PTPRO: variants seen among roughly 807,000 people sequenced by gnomAD.
PTPRO encodes receptor-type tyrosine-protein phosphatase O.
A neutral mutation model predicts 145.2 loss-of-function variants in PTPRO; 62 were observed. The ratio of observed to expected loss-of-function variants is 0.43; its 90% CI spans 0.35 to 0.53. The LOEUF (loss-of-function observed/expected upper bound fraction) is 0.53, where lower values mean the gene tolerates loss of function less well. PTPRO is among the 20% of genes least tolerant of loss of function. The pLI is 0.01. For synonymous variants in PTPRO, 565 were observed against 514.7 expected, an observed-to-expected ratio of 1.10 and a Z score of -1.32; for missense variants, 1,345 against 1,482.7, an observed-to-expected ratio of 0.91 and a Z score of 1.53.
At chr12:15,510,865 A>G (rs1301903763) in intron 7 of PTPRO, among the ~76,000 whole-genome samples, 1 of 152,066 alleles carries the variant, frequency 6.6e-6, no homozygotes, top group African/African-American at 2.4e-5. Context: ...GTTCAACCCT[A>G]TTATTTAAGA....
intron 2 of PTPRO, among the ~76,000 whole-genome samples, chr12:15,496,789 T>C (rs1410406510): frequency 6.6e-6 from 1 of 152,214 alleles, no homozygotes; most frequent in African/African-American, 2.4e-5. Flanking sequence ...ATAACTATCA[T>C]TGGTCTGAGC....
intron 1 of PTPRO, among the ~76,000 whole-genome samples, chr12:15,449,203 G>A (rs967300863): frequency 2.0e-5 from 3 of 152,052 alleles, no homozygotes; most frequent in African/African-American, 7.2e-5. Context: ...CTTGGCATTT[G>A]CCTTATTTGA....
At chr12:15,581,283 C>T (rs1247554901) in intron 22 of PTPRO, among the ~76,000 whole-genome samples, 2 of 146,684 alleles carry the variant, frequency 1.4e-5, no homozygotes, top group Non-Finnish European at 3.0e-5. Flanking sequence ...CAATGTTATG[C>T]GTTCTGAGTG....
At chr12:15,376,104 C>G (rs1435924277) in intron 1 of PTPRO, among the ~76,000 whole-genome samples, 2 of 151,962 alleles carry the variant, frequency 1.3e-5, no homozygotes, top group Non-Finnish European at 2.9e-5. Context: ...AAAATCATAG[C>G]CATAAACTCC....
chr12:15,565,534 T>C, intron 17 of PTPRO, 59 bp from the exon 18 acceptor site: 1 of 1,148,550 alleles, frequency 8.7e-7, no homozygotes, highest in Non-Finnish European at 1.3e-6. Flanking sequence ...CAAGTTTAAT[T>C]ATTATGTTAA....
chr12:15,409,887 C>T (rs1467928827), intron 1 of PTPRO, among the ~76,000 whole-genome samples: 1 of 152,202 alleles, frequency 6.6e-6, no homozygotes, highest in Non-Finnish European at 1.5e-5. Flanking sequence ...CTATCTCCAG[C>T]ATTGGGGATT....
chr12:15,587,133 A>T (rs1835962870), intron 24 of PTPRO, 82 bp downstream of exon 24: 23 of 1,486,728 alleles, frequency 1.5e-5, no homozygotes, highest in Non-Finnish European at 2.1e-5. Flanking sequence ...ATAAGCCCTT[A>T]TCAGGTTTAG....
chr12:15,393,124 T>C (rs1302886948), intron 1 of PTPRO, among the ~76,000 whole-genome samples: 1 of 152,222 alleles, frequency 6.6e-6, no homozygotes, highest in Non-Finnish European at 1.5e-5. Flanking sequence ...AACTCCCTAT[T>C]GTTATCTTTG....
intron 12 of PTPRO, among the ~76,000 whole-genome samples, chr12:15,541,881 A>G (rs1383337531): frequency 6.6e-6 from 1 of 152,082 alleles, no homozygotes; most frequent in Non-Finnish European, 1.5e-5. Flanking sequence ...GTGTGGTGGC[A>G]GGCACCTGTA....
intron 1 of PTPRO, among the ~76,000 whole-genome samples, chr12:15,438,252 G>A (rs532174671): frequency 6.6e-6 from 1 of 152,260 alleles, no homozygotes; most frequent in East Asian, 1.9e-4. Flanking sequence ...AGAAGTGCCA[G>A]TGTCTCCAGG....
intron 1 of PTPRO, among the ~76,000 whole-genome samples, chr12:15,397,787 T>C (rs989776136): frequency 1.3e-5 from 2 of 152,114 alleles, no homozygotes; most frequent in Non-Finnish European, 2.9e-5. Context: ...TAGGGAGATA[T>C]AGATAAATGC....
chr12:15,416,547 C>A lies in PTPRO; in HGVS notation c.76-67427C>A, dbSNP rs187006660. Reference sequence around the variant, plus strand: ...TGTTAGCCAGGATGGTCTCGATCTCCTGACCTCATGATCTGCCTGCCTCGG... The same window carrying A: ...TGTTAGCCAGGATGGTCTCGATCTCATGACCTCATGATCTGCCTGCCTCGG... On this transcript the variant is annotated intron_variant, in intron 1 of 26. Transcript: ENST00000281171. Among the ~76,000 whole-genome samples, 601 of 151,464 alleles carry A rather than the reference C, an allele frequency of 4.0e-3. 7 individuals are homozygous for A. Among genetic ancestry groups the A allele is most frequent in the Admixed American group, 8.1e-3 (124 of 15,272 alleles).
At chr12:15,333,803 T>C (rs139936526) in intron 1 of PTPRO, among the ~76,000 whole-genome samples, 92 of 152,276 alleles carry the variant, frequency 6.0e-4, no homozygotes, top group African/African-American at 1.6e-3. Flanking sequence ...TGACCCTTTT[T>C]TTTCTCTTTA....
At chr12:15,429,500 A>G (rs1346962295) in intron 1 of PTPRO, among the ~76,000 whole-genome samples, 2 of 152,196 alleles carry the variant, frequency 1.3e-5, no homozygotes, top group Non-Finnish European at 2.9e-5. Flanking sequence ...GAGTAGGAAT[A>G]TCAAAGAAGG....
At chr12:15,537,799 C>T (rs7316007) in intron 12 of PTPRO, among the ~76,000 whole-genome samples, 111,286 of 151,984 alleles carry the variant, frequency 0.73, 41,294 homozygotes, top group East Asian at 0.9. Flanking sequence ...ATGTCCTTGA[C>T]TGGAGCAGAG....
intron 12 of PTPRO, among the ~76,000 whole-genome samples, chr12:15,534,162 G>A (rs7301227): frequency 0.68 from 103,992 of 151,934 alleles, 35,857 homozygotes; most frequent in Middle Eastern, 0.75. Flanking sequence ...GTGGTATGTG[G>A]TGACAGGTCC....
At chr12:15,508,369 G>A (rs1942366452) in intron 6 of PTPRO, among the ~76,000 whole-genome samples, 1 of 152,158 alleles carries the variant, frequency 6.6e-6, no homozygotes, top group South Asian at 2.1e-4. Flanking sequence ...TATTGCCGAG[G>A]CTGCTGTTTA....
At chr12:15,510,619 T>C (rs1289728535) in intron 7 of PTPRO, among the ~76,000 whole-genome samples, 4 of 152,140 alleles carry the variant, frequency 2.6e-5, no homozygotes, top group Non-Finnish European at 4.4e-5. Context: ...ACATGAAATG[T>C]CCTATTCAGG....
At position 15,322,789 on chromosome 12, in the gene PTPRO, T is replaced by A. The variant is rs745809506; in HGVS notation, c.63T>A (p.Phe21Leu). 13 of 1,612,602 alleles carry A rather than the reference T, an allele frequency of 8.1e-6. No individual in the cohort carries two copies. The highest frequency in any genetic ancestry group is 8.5e-7 in the Non-Finnish European group (1 of 1,179,532). Residue 21 changes from phenylalanine (F) to leucine (L), a missense_variant, in exon 1 of 27, where the codon TTT (phenylalanine) becomes TTA (leucine). Around this residue, in one of 3 missense-constraint regions of PTPRO, gnomAD observed 1,130 missense variants for 1,214.7 expected, o/e 0.93. Transcript: ENST00000281171. The surrounding 1 kb of genome is among the most constrained non-coding windows in gnomAD (Gnocchi z 6.3). ...GCCTCCTGCCTCTGCTCTGGCTCTT[T>A]GTGCTGTTCAAGGTAGGGGAGCTCC... ...ARRLLPLLWL[F>L]VLFKNATAFH...
Sources: allele counts gnomAD v4.1 joint callset (sites outside exome capture counted in the v4.1 genomes callset), GRCh38; gene constraint gnomAD v4.1.1; regional missense constraint gnomAD v4.1.1; non-coding constraint Gnocchi (gnomAD v3.1); transcripts MANE v1.5; gene names NCBI Gene and HGNC (gene_info 2026-07-23, HGNC 2026-07-21).